The following OSGIN2 variants were observed in gnomAD, a reference collection of about 807,000 sequenced individuals.
OSGIN2 encodes the protein oxidative stress-induced growth inhibitor 2.
OSGIN2 carries 19 observed loss-of-function variants against 53.8 expected under a neutral mutation model. That is an observed-to-expected ratio of 0.35 (90% CI 0.25 to 0.52). OSGIN2 has a LOEUF of 0.52. OSGIN2 is among the 20% of genes least tolerant of loss of function. OSGIN2 has a pLI of 0.95. For synonymous variants in OSGIN2, 236 were observed against 236.0 expected (o/e 1.00, Z 0.00); for missense variants, 520 against 662.7 (o/e 0.78, Z 2.36).
intron 2 of OSGIN2, among the ~76,000 whole-genome samples, chr8:89,913,380 T>A (rs1809011287): frequency 6.6e-6 from 1 of 152,216 alleles, no homozygotes; most frequent in South Asian, 2.1e-4. Flanking sequence ...TTTCTCTCAC[T>A]GTCATAATCT....
chr8:89,912,753 AAACAC>A (rs1307001254), intron 2 of OSGIN2, among the ~76,000 whole-genome samples: 1 of 151,916 alleles, frequency 6.6e-6, no homozygotes, highest in Non-Finnish European at 1.5e-5. Context: ...TGAAAAAAAA[AAACAC>A]AACGAAAAAA....
At chr8:89,912,959 G>C (rs1362055402) in intron 2 of OSGIN2, among the ~76,000 whole-genome samples, 1 of 152,080 alleles carries the variant, frequency 6.6e-6, no homozygotes, top group African/African-American at 2.4e-5. Flanking sequence ...TGAGTCTTGG[G>C]TCTGAGTCTT....
intron 1 of OSGIN2, among the ~76,000 whole-genome samples, chr8:89,907,258 G>A (rs1284985747): frequency 6.7e-6 from 1 of 149,620 alleles, no homozygotes; most frequent in African/African-American, 2.5e-5. Flanking sequence ...AAGCTCGTTA[G>A]TTTAATTAGA....
At chr8:89,910,571 C>A (rs906446465) in intron 2 of OSGIN2, among the ~76,000 whole-genome samples, 1 of 152,096 alleles carries the variant, frequency 6.6e-6, no homozygotes, top group Non-Finnish European at 1.5e-5. Flanking sequence ...ATACTAGGTT[C>A]TATACTAGAT....
At chr8:89,923,916 T>C (rs1809259116) in intron 5 of OSGIN2, among the ~76,000 whole-genome samples, 2 of 152,208 alleles carry the variant, frequency 1.3e-5, no homozygotes, top group Admixed American at 1.3e-4. Flanking sequence ...GTTTTAGCTC[T>C]GCTTGTGAGT....
chr8:89,903,055 G>T (rs1032823809), intron 1 of OSGIN2, among the ~76,000 whole-genome samples: 2 of 152,192 alleles, frequency 1.3e-5, no homozygotes, highest in Admixed American at 1.3e-4. Flanking sequence ...TCTCGCTCTG[G>T]ACCGCGCGGG....
At chr8:89,910,686 C>A (rs1378346890) in intron 2 of OSGIN2, among the ~76,000 whole-genome samples, 2 of 152,146 alleles carry the variant, frequency 1.3e-5, no homozygotes, top group Admixed American at 1.3e-4. Flanking sequence ...TACCTCTAAC[C>A]TTGGTTTTCT....
chr8:89,909,999 A>C (rs1286599817), intron 2 of OSGIN2, among the ~76,000 whole-genome samples: 1 of 152,180 alleles, frequency 6.6e-6, no homozygotes. Flanking sequence ...GTGTCATGGT[A>C]ATGTGATAAT....
intron 1 of OSGIN2, among the ~76,000 whole-genome samples, chr8:89,906,885 T>G (rs926315700): frequency 6.6e-6 from 1 of 152,084 alleles, no homozygotes; most frequent in African/African-American, 2.4e-5. Flanking sequence ...ACTAATACAC[T>G]CCCCCCAACA....
intron 1 of OSGIN2, among the ~76,000 whole-genome samples, chr8:89,908,682 A>C (rs1014401371): frequency 6.6e-6 from 1 of 152,152 alleles, no homozygotes; most frequent in Non-Finnish European, 1.5e-5. Flanking sequence ...AATGCAGAAC[A>C]TTACCTGTGT....
chr8:89,910,375 A>T (rs1237927863), intron 2 of OSGIN2, among the ~76,000 whole-genome samples: 2 of 152,236 alleles, frequency 1.3e-5, no homozygotes, highest in Non-Finnish European at 2.9e-5. Flanking sequence ...TACAAAGTCG[A>T]GGAATTCAGA....
intron 5 of OSGIN2, among the ~76,000 whole-genome samples, chr8:89,922,345 AAG>A (rs1184791509): frequency 3.9e-5 from 6 of 152,236 alleles, no homozygotes; most frequent in Non-Finnish European, 8.8e-5. Context: ...GATTTTTAAA[AAG>A]AATTATATAT....
chr8:89,921,911 A>G (rs1809212705), intron 5 of OSGIN2, among the ~76,000 whole-genome samples: 1 of 152,032 alleles, frequency 6.6e-6, no homozygotes, highest in South Asian at 2.1e-4. Context: ...CCCGGGAGGC[A>G]GAGGTTGCAG....
chr8:89,905,478 T>C (rs2697671), intron 1 of OSGIN2, among the ~76,000 whole-genome samples: 38,017 of 151,946 alleles, frequency 0.25, 4,746 homozygotes, highest in African/African-American at 0.28. Context: ...GTGCATGTAC[T>C]ATAAAACATG....
intron 1 of OSGIN2, among the ~76,000 whole-genome samples, chr8:89,905,335 ATT>A (rs1453723191): frequency 6.6e-6 from 1 of 152,204 alleles, no homozygotes; most frequent in African/African-American, 2.4e-5. Flanking sequence ...AATTGTACAT[ATT>A]TTCCAATTTT....
rs1414889136 is a variant in OSGIN2, at chr8:89,902,758, G to C, written c.-36G>C. ...CGCCGGGGGAGGCGGAGGCGGCCAC[G>C]GCGGCCGCGCTCGGGCGCCCCTCGC... On this transcript the variant is annotated 5_prime_UTR_variant, in exon 1 of 6. Coordinates refer to ENST00000451899, the MANE Select transcript of OSGIN2 (RefSeq NM_001126111.3). The C allele has an allele frequency of 8.3e-7, 1 of 1,203,210 alleles. No individual in the cohort carries two copies. The highest frequency in any genetic ancestry group is 1.0e-6 in the Non-Finnish European group (1 of 960,622). The allele number at this position is 1,203,210 out of a possible 1,614,324, so 74.5% of individuals were successfully genotyped here.
At position 89,909,653 on chromosome 8, in the gene OSGIN2, C is replaced by T. The variant is rs748435238; in HGVS notation, c.131C>T (p.Ala44Val). Residue 44 changes from alanine (A) to valine (V), a missense_variant, in exon 2 of 6, where the codon GCG (alanine) becomes GTG (valine). Transcript: ENST00000451899. ...FGDNLGRKVK[A>V]MPLVEETSLL... ...GACAACTTGGGGCGAAAAGTTAAAG[C>T]GATGCCATTAGTTGAAGAAACTTCT... is the stretch of plus-strand genomic sequence containing the variant. 5 of 1,609,596 alleles carry T rather than the reference C, an allele frequency of 3.1e-6. No homozygotes were observed. Among genetic ancestry groups the T allele is most frequent in the East Asian group, 2.2e-5 (1 of 44,716 alleles).
intron 5 of OSGIN2, among the ~76,000 whole-genome samples, chr8:89,922,269 T>C (rs1370853193): frequency 6.6e-6 from 1 of 152,174 alleles, no homozygotes; most frequent in African/African-American, 2.4e-5. Context: ...TATGAGGAAA[T>C]TCAGGGAGAG....
chr8:89,924,150 T>G (rs1295648209), intron 5 of OSGIN2, among the ~76,000 whole-genome samples: 1 of 152,192 alleles, frequency 6.6e-6, no homozygotes, highest in African/African-American at 2.4e-5. Context: ...AGTTATAGAT[T>G]ATAATTGTGA....
Sources: allele counts gnomAD v4.1 joint callset (sites outside exome capture counted in the v4.1 genomes callset), GRCh38; gene constraint gnomAD v4.1.1; transcripts MANE v1.5; gene names NCBI Gene and HGNC (gene_info 2026-07-23, HGNC 2026-07-21).